Variants in MANBA observed in about 807,000 individuals in gnomAD.
MANBA encodes the protein beta-mannosidase.
A neutral mutation model predicts 111.1 loss-of-function variants in MANBA; 83 were observed. The ratio of observed to expected loss-of-function variants is 0.75; its 90% CI spans 0.63 to 0.90. MANBA has a LOEUF of 0.90. Among genes scored for constraint, MANBA ranks in the 40% least tolerant of loss-of-function variants. The probability of loss-of-function intolerance (pLI) is 0.00; values close to 1 mark genes in which losing one functional copy is unlikely to be tolerated. For missense variants in MANBA, 1,036 were observed against 1,069.0 expected, an observed-to-expected ratio of 0.97 and a Z score of 0.43; for synonymous variants, 370 against 378.7, an observed-to-expected ratio of 0.98 and a Z score of 0.27.
At chr4:102,652,737 A>C (rs1730393370) in intron 12 of MANBA, among the ~76,000 whole-genome samples, 1 of 151,908 alleles carries the variant, frequency 6.6e-6, no homozygotes, top group South Asian at 2.1e-4. Flanking sequence ...CAAAAAGAAA[A>C]ATAAAAAATC....
chr4:102,713,873 G>A (rs954350291), intron 5 of MANBA, among the ~76,000 whole-genome samples: 1 of 144,226 alleles, frequency 6.9e-6, no homozygotes, highest in African/African-American at 2.6e-5. Context: ...TCCAGGCTGG[G>A]CAACAAGAGT....
intron 6 of MANBA, among the ~76,000 whole-genome samples, chr4:102,690,002 A>G (rs1489877241): frequency 6.6e-6 from 1 of 152,132 alleles, no homozygotes; most frequent in South Asian, 2.1e-4. Context: ...TTAAAATGGG[A>G]CTCTGAAGTT....
At chr4:102,671,795 G>A (rs1672146953) in intron 8 of MANBA, 1 of 417,328 alleles carries the variant, frequency 2.4e-6, no homozygotes, top group African/African-American at 2.1e-5. Context: ...CTCCTTTTAT[G>A]CAATTTCTCC....
chr4:102,743,988 G>A (rs910946702), intron 1 of MANBA, among the ~76,000 whole-genome samples: 1 of 152,218 alleles, frequency 6.6e-6, no homozygotes, highest in South Asian at 2.1e-4. Flanking sequence ...GATCTGCTGG[G>A]TCATATGGTC....
chr4:102,730,040 G>T, intron 1 of MANBA: 1 of 802,430 alleles, frequency 1.2e-6, no homozygotes, highest in Non-Finnish European at 2.1e-6. Flanking sequence ...CTTGGAAGCT[G>T]CTGCTGCCCA....
intron 1 of MANBA, among the ~76,000 whole-genome samples, chr4:102,738,548 G>T (rs1243709575): frequency 6.6e-6 from 1 of 152,198 alleles, no homozygotes; most frequent in Non-Finnish European, 1.5e-5. Context: ...CCTAGGGGAA[G>T]GGGGAGAGCA....
chr4:102,709,479 T>A (rs1348500756), intron 5 of MANBA, among the ~76,000 whole-genome samples: 2 of 151,922 alleles, frequency 1.3e-5, no homozygotes, highest in African/African-American at 4.8e-5. Context: ...CGACTAATAA[T>A]AAGTAGCAAG....
intron 11 of MANBA, among the ~76,000 whole-genome samples, chr4:102,661,729 A>T (rs975731955): frequency 6.6e-6 from 1 of 152,224 alleles, no homozygotes. Context: ...CCACTTATAA[A>T]TCCTTTATTC....
At chr4:102,697,878 T>C (rs1403081778) in intron 5 of MANBA, among the ~76,000 whole-genome samples, 1 of 152,158 alleles carries the variant, frequency 6.6e-6, no homozygotes, top group East Asian at 1.9e-4. Flanking sequence ...TACCCTGTAA[T>C]GGGATGGCTG....
rs573776988 is a variant in MANBA at position 102,668,564 on chromosome 4, C to T, written c.1317+399G>A. ...ATCAATAATCAATTTAAACTTTCTC[C>T]TGAGCAATTCAAACAGTGGTGTTGC... is the stretch of plus-strand genomic sequence containing the variant. On this transcript the variant is annotated intron_variant, in intron 10 of 16. Transcript: ENST00000647097. 4.8e-4 allele frequency: 99 copies of T among 207,784 alleles called. 1 individual carries two copies. The highest frequency in any genetic ancestry group is 2.2e-3 in the African/African-American group (94 of 42,932). The allele number at this position is 207,784 out of a possible 1,614,324, so 12.9% of individuals were successfully genotyped here.
At chr4:102,678,316 A>C (rs1731811692) in intron 7 of MANBA, among the ~76,000 whole-genome samples, 1 of 152,208 alleles carries the variant, frequency 6.6e-6, no homozygotes, top group Non-Finnish European at 1.5e-5. Flanking sequence ...TTCACAAGTG[A>C]AAGGCTCCCG....
chr4:102,724,936 C>T (rs531429733), intron 2 of MANBA, among the ~76,000 whole-genome samples: 95 of 152,248 alleles, frequency 6.2e-4, no homozygotes, highest in South Asian at 1.0e-3. Context: ...CATGGATGAA[C>T]TTTGAAAACA....
rs17033116 is a variant in MANBA at position 102,664,171 on chromosome 4, T to C, written c.1485+514A>G. ...ATTGTAAGCACTGCATTGGTGTATG[T>C]GTGGAGAGCTGCACAGAGAAGTTAA... On this transcript the variant is annotated intron_variant, in intron 11 of 16. Transcript: ENST00000647097. 3.1e-3 allele frequency among the ~76,000 whole-genome samples: 470 copies of C among 152,306 alleles called. 5 individuals are homozygous for C. Among genetic ancestry groups the C allele is most frequent in the African/African-American group, 0.011 (459 of 41,566 alleles).
intron 8 of MANBA, chr4:102,671,994 C>A: frequency 2.5e-6 from 1 of 399,448 alleles, no homozygotes; most frequent in Non-Finnish European, 4.4e-6. Context: ...AGCACAGGCA[C>A]CACGGCAGGC....
chr4:102,760,232 C>T (rs1724188721), intron 1 of MANBA, among the ~76,000 whole-genome samples: 1 of 152,236 alleles, frequency 6.6e-6, no homozygotes, highest in Admixed American at 6.5e-5. Context: ...TTCTCCACAA[C>T]GTCTGTGCTG....
chr4:102,696,417 G>C (rs1193629683), intron 5 of MANBA, among the ~76,000 whole-genome samples: 1 of 152,156 alleles, frequency 6.6e-6, no homozygotes, highest in African/African-American at 2.4e-5. Context: ...TCTATTTCTT[G>C]AATAACTACT....
At chr4:102,638,704 CCT>C (rs774333691) in intron 14 of MANBA, among the ~76,000 whole-genome samples, 4 of 152,158 alleles carry the variant, frequency 2.6e-5, no homozygotes, top group African/African-American at 4.8e-5. Context: ...CAATTCTACC[CCT>C]GATTCTCATT....
At chr4:102,737,802 G>T (rs1056608580) in intron 1 of MANBA, among the ~76,000 whole-genome samples, 3 of 152,160 alleles carry the variant, frequency 2.0e-5, no homozygotes, top group African/African-American at 7.2e-5. Context: ...TGTCAGTGCT[G>T]GCTTTTCCCT....
chr4:102,749,488 AC>A (rs1287223933), intron 1 of MANBA, among the ~76,000 whole-genome samples: 7 of 152,236 alleles, frequency 4.6e-5, no homozygotes, highest in Non-Finnish European at 1.5e-5. Context: ...CATATTTTGA[AC>A]AAAAGTATAT....
Sources: gnomAD v4.1 joint callset for allele counts (sites outside exome capture counted in the v4.1 genomes callset) on GRCh38, gnomAD v4.1.1 for gene constraint, MANE v1.5 for transcripts, NCBI Gene and HGNC (gene_info 2026-07-23, HGNC 2026-07-21) for gene names.